EP400: variants seen among roughly 807,000 people sequenced by gnomAD.
EP400 encodes the protein E1A binding protein p400.
In EP400, 105 loss-of-function variants were observed where a neutral mutation model predicts 354.1. The observed-to-expected ratio is 0.30, with a 90% confidence interval of 0.25 to 0.35. EP400 has a LOEUF of 0.35. Ranked by LOEUF, EP400 falls within the 10% of genes least tolerant of loss-of-function variation. EP400 has a pLI of 1.00. For missense variants in EP400, 3,280 were observed against 4,121.0 expected (o/e 0.80, Z 5.59); for synonymous variants, 1,646 against 1,716.9 (o/e 0.96, Z 1.02).
chr12:132,076,395 C>A, intron 51 of EP400, 121 bp from the exon 52 acceptor site: 1 of 994,724 alleles, frequency 1.0e-6, no homozygotes, highest in Non-Finnish European at 1.5e-6. Context: ...GAGAATTGCT[C>A]TTCTGTGTCA....
intron 52 of EP400, 39 bp from the exon 53 acceptor site, chr12:132,077,362 T>G: frequency 6.3e-7 from 1 of 1,588,246 alleles, no homozygotes; most frequent in South Asian, 1.1e-5. Flanking sequence ...TGGACTGAGT[T>G]TCCTGGGCAA....
chr12:132,005,522 G>T (rs1469540700), intron 13 of EP400, among the ~76,000 whole-genome samples: 1 of 152,098 alleles, frequency 6.6e-6, no homozygotes, highest in South Asian at 2.1e-4. Context: ...TATTTTACTT[G>T]GTATTAGACT....
Position 131,957,470 on chromosome 12 carries a change from GT to G in EP400, c.-35-3103del, listed in dbSNP as rs1275385232. ...TTGTGTTCGGTTTTTTAATGTTTTG[GT>G]TTTTTTTTTTTCCTGTCACCTACCA... On this transcript the variant is annotated intron_variant, in intron 1 of 52. Transcript: ENST00000389561. 1.7e-3 allele frequency among the ~76,000 whole-genome samples: 207 copies of G among 122,360 alleles called. 1 individual carries two copies. Among genetic ancestry groups the G allele is most frequent in the Middle Eastern group, 0.013 (3 of 234 alleles). 80.3% of individuals were successfully genotyped at this position (122,360 alleles called of 152,430 possible).
chr12:132,055,919 C>T (rs1045262443), intron 45 of EP400, among the ~76,000 whole-genome samples: 2 of 151,570 alleles, frequency 1.3e-5, no homozygotes, highest in Admixed American at 6.6e-5. Flanking sequence ...CTCTTGGGGG[C>T]GTGGTTTTGG....
chr12:132,024,137 G>A (rs139731869), intron 24 of EP400, among the ~76,000 whole-genome samples, 196 bp downstream of exon 24: 3 of 152,388 alleles, frequency 2.0e-5, no homozygotes, highest in Non-Finnish European at 4.4e-5. Context: ...TGCACTTGAT[G>A]CGTGTCAGAT....
At chr12:132,061,296 A>G (rs968059991) in intron 45 of EP400, among the ~76,000 whole-genome samples, 1 of 152,194 alleles carries the variant, frequency 6.6e-6, no homozygotes, top group African/African-American at 2.4e-5. Context: ...TGGTGAGGAA[A>G]GAGTCATCTG....
rs1266876697 is a variant in EP400, at chr12:132,079,521, C to T, written c.*1848C>T. On this transcript the variant is annotated 3_prime_UTR_variant, in exon 53 of 53. Transcript: ENST00000389561. ...TTTGTCATTTGTTTTAATTTGTGTG[C>T]CCTGTTCATTTTTTTTGTCTTTCCC... 2.0e-5 allele frequency: 3 copies of T among 152,210 alleles called. No homozygotes were observed. The highest frequency in any genetic ancestry group is 1.3e-4 in the Admixed American group (2 of 15,274). 9.4% of individuals were successfully genotyped at this position (152,210 alleles called of 1,614,324 possible).
chr12:132,038,155 C>T lies in EP400; in HGVS notation c.6207+59C>T. On this transcript the variant is annotated intron_variant, in intron 32 of 52. Transcript: ENST00000389561. This position sits in a 1 kb window ranked among gnomAD's most constrained non-coding sequence, Gnocchi z 4.2. ...ACGGTGGGAGCCGGCGGAACACCTG[C>T]ACCCTCCCCCAGGGTTCTGGGTGCT... is the stretch of plus-strand genomic sequence containing the variant. The T allele has an allele frequency of 5.6e-6, 9 of 1,601,392 alleles. No individual in the cohort carries two copies. The highest frequency in any genetic ancestry group is 7.7e-6 in the Non-Finnish European group (9 of 1,172,420).
chr12:132,023,081 T>C (rs1327633381), intron 23 of EP400, among the ~76,000 whole-genome samples: 5 of 152,040 alleles, frequency 3.3e-5, no homozygotes, highest in Admixed American at 1.3e-4. Flanking sequence ...TAAAGTTCTC[T>C]AAAGTTTAGG....
At chr12:131,974,523 C>G (rs1892401817) in intron 2 of EP400, among the ~76,000 whole-genome samples, 1 of 152,140 alleles carries the variant, frequency 6.6e-6, no homozygotes, top group Non-Finnish European at 1.5e-5. Context: ...TCAATCTGTC[C>G]TTTTAGGTGG....
At chr12:132,064,623 G>A (rs1013312076) in intron 47 of EP400, 45 bp from the exon 48 acceptor site, 18 of 1,590,886 alleles carry the variant, frequency 1.1e-5, no homozygotes, top group Non-Finnish European at 1.5e-5. Flanking sequence ...TTAAAGAATG[G>A]AGCACAGTTA....
intron 2 of EP400, chr12:131,963,653 A>G (rs1202620746): frequency 6.3e-7 from 1 of 1,592,910 alleles, no homozygotes; most frequent in Non-Finnish European, 8.5e-7. Context: ...GTACTTTTCG[A>G]TGGTTCTCAA....
At position 132,073,459 on chromosome 12, in the gene EP400, CTT is replaced by C. The variant is rs58724167; in HGVS notation, c.9022-3044_9022-3043del. On this transcript the variant is annotated intron_variant, in intron 51 of 52. Transcript: ENST00000389561. ...GTGCGTTTTAATTCTGTCCCTTTTC[CTT>C]TTTTTTTTTTTTGACACAGTCTTGC... 3.8e-4 allele frequency among the ~76,000 whole-genome samples: 45 copies of C among 117,532 alleles called. 1 individual carries two copies. Among genetic ancestry groups the C allele is most frequent in the African/African-American group, 6.6e-4 (15 of 22,640 alleles). 77.1% of individuals were successfully genotyped at this position (117,532 alleles called of 152,430 possible). A position where few individuals can be genotyped will look rare whatever the true frequency, so the allele number is the denominator to read the frequency against.
At chr12:132,064,585 AG>A in intron 47 of EP400, 82 bp from the exon 48 acceptor site, 1 of 1,535,092 alleles carries the variant, frequency 6.5e-7, no homozygotes, top group Non-Finnish European at 8.8e-7. Context: ...TGGGCAGTAG[AG>A]GGGTGGCTTA....
chr12:132,066,853 C>T lies in EP400; in HGVS notation c.8633C>T (p.Ala2878Val), dbSNP rs1287650697. 6 of 1,613,938 alleles carry T rather than the reference C, an allele frequency of 3.7e-6. No homozygotes were observed. The highest frequency in any genetic ancestry group is 2.2e-5 in the East Asian group (1 of 44,858). The stretch of plus-strand genomic sequence containing the variant: ...CCCCAGCCAGCCCAGGTGGCCTTGG[C>T]GAAGCCTCCGGTGGTGTCCGTCCCG... ...QAPQPAQVALAKPPVVSVPAA... is the reference protein window; with the variant it reads ...QAPQPAQVALVKPPVVSVPAA... The change falls in exon 49 of 53, where the codon GCG (alanine) becomes GTG (valine). Residue 2878 changes from alanine to valine, a missense_variant. Around this residue, in one of 20 missense-constraint regions of EP400, gnomAD observed 279 missense variants for 386.7 expected, o/e 0.72. Transcript: ENST00000389561.
At chr12:132,039,440 A>G (rs1224483642) in intron 32 of EP400, among the ~76,000 whole-genome samples, 2 of 152,120 alleles carry the variant, frequency 1.3e-5, no homozygotes, top group South Asian at 2.1e-4. Context: ...GCTCCCTTTA[A>G]TAGACTGGCC....
intron 7 of EP400, 118 bp downstream of exon 7, chr12:131,988,008 T>TTC (rs1555272990): frequency 1.2e-3 from 900 of 731,698 alleles, no homozygotes; most frequent in African/African-American, 4.2e-3. Context: ...TTTTTTTTTT[T>TTC]CCCCCAGACA....
At chr12:131,973,117 ATTATT>A (rs1892355359) in intron 2 of EP400, among the ~76,000 whole-genome samples, 1 of 152,234 alleles carries the variant, frequency 6.6e-6, no homozygotes, top group Non-Finnish European at 1.5e-5. Flanking sequence ...TTAACAAATA[ATTATT>A]TTATTGACTT....
At chr12:131,993,718 T>C (rs982257432) in intron 11 of EP400, among the ~76,000 whole-genome samples, 1 of 152,200 alleles carries the variant, frequency 6.6e-6, no homozygotes. Context: ...CACAGGTGAC[T>C]CTCCTGAATC....
Sources: allele counts gnomAD v4.1 joint callset (sites outside exome capture counted in the v4.1 genomes callset), GRCh38; gene constraint gnomAD v4.1.1; regional missense constraint gnomAD v4.1.1; non-coding constraint Gnocchi (gnomAD v3.1); transcripts MANE v1.5; gene names NCBI Gene and HGNC (gene_info 2026-07-23, HGNC 2026-07-21).